RHOG: variants seen among roughly 807,000 people sequenced by gnomAD.
RHOG encodes the protein ras homolog family member G, also known as rho-related GTP-binding protein RhoG.
Under a neutral mutation model 12.3 loss-of-function variants are expected in RHOG, and 1 was observed. That is an observed-to-expected ratio of 0.08 (90% CI 0.03 to 0.39). The LOEUF (loss-of-function observed/expected upper bound fraction) is 0.39, where lower values mean the gene tolerates loss of function less well. Ranked by LOEUF, RHOG falls within the 10% of genes least tolerant of loss-of-function variation. The probability of loss-of-function intolerance (pLI) is 0.99; values close to 1 mark genes in which losing one functional copy is unlikely to be tolerated. For missense variants in RHOG, 114 were observed against 266.2 expected (o/e 0.43, Z 3.98); for synonymous variants, 129 against 116.0 (o/e 1.11, Z -0.72).
rs114967300 is a variant in RHOG at position 3,839,568 on chromosome 11, G to C, written c.-69+1326C>G. Among the ~76,000 whole-genome samples the C allele has an allele frequency of 4.8e-3, 681 of 141,906 alleles. 6 individuals are homozygous for C. The highest frequency in any genetic ancestry group is 0.017 in the African/African-American group (631 of 37,198). 93.1% of individuals were successfully genotyped at this position (141,906 alleles called of 152,430 possible). A position where few individuals can be genotyped will look rare whatever the true frequency, so the allele number is the denominator to read the frequency against. ...TCCATCTCTAAGAGATGAAGATGTA[G>C]ATACACAGACACGCGCGTGCGAACA... On this transcript the variant is annotated intron_variant, in intron 1 of 1. Coordinates refer to ENST00000351018, the MANE Select transcript of RHOG (RefSeq NM_001665.4).
chr11:3,831,381 A>G (rs1448759560), intron 1 of RHOG, among the ~76,000 whole-genome samples: 1 of 152,102 alleles, frequency 6.6e-6, no homozygotes, highest in Non-Finnish European at 1.5e-5. Flanking sequence ...ACATTAAAAA[A>G]TATTTCCATC....
intron 1 of RHOG, among the ~76,000 whole-genome samples, chr11:3,829,124 C>T (rs1348385438): frequency 6.6e-6 from 1 of 152,078 alleles, no homozygotes; most frequent in East Asian, 1.9e-4. Context: ...CCTGCCCTCT[C>T]CAAACCTGGT....
intron 1 of RHOG, among the ~76,000 whole-genome samples, chr11:3,837,294 A>G (rs1466500587): frequency 1.3e-5 from 2 of 152,178 alleles, no homozygotes; most frequent in Non-Finnish European, 2.9e-5. Flanking sequence ...AGTGAGGCAG[A>G]GCTGGAGTAG....
chr11:3,836,902 CAAAAAAAAAAAAAAA>C (rs57344316), intron 1 of RHOG, among the ~76,000 whole-genome samples: 18 of 29,252 alleles, frequency 6.2e-4, no homozygotes, highest in South Asian at 1.7e-3. Flanking sequence ...GACTCCATCT[CAAAAAAAAAAAAAAA>C]AAAAAAAAAA....
chr11:3,828,178 C>T lies in RHOG; in HGVS notation c.-40G>A. On this transcript the variant is annotated 5_prime_UTR_variant, in exon 2 of 2. Transcript: ENST00000351018. ...CTGTAGTGGAGGCAGTGCCTCCTCT[C>T]TCTTCTGGACCCCTCTGGCTGCAGT... 2.6e-6 allele frequency: 4 copies of T among 1,545,088 alleles called. No individual in the cohort carries two copies. The highest frequency in any genetic ancestry group is 3.5e-6 in the Non-Finnish European group (4 of 1,128,218).
chr11:3,828,626 T>TA (rs1370853402), intron 1 of RHOG, among the ~76,000 whole-genome samples: 20 of 148,652 alleles, frequency 1.3e-4, no homozygotes, highest in Admixed American at 1.3e-3. Context: ...TTAGCTATTT[T>TA]TTTTTTTTTT....
chr11:3,840,544 C>CACA (rs2090186388), intron 1 of RHOG: 1 of 150,056 alleles, frequency 6.7e-6, no homozygotes, highest in African/African-American at 2.5e-5. Flanking sequence ...ACACCCCCCC[C>CACA]ACCAACTTCT....
intron 1 of RHOG, 37 bp from the exon 2 acceptor site, chr11:3,828,243 AG>A: frequency 9.4e-7 from 1 of 1,066,408 alleles, no homozygotes; most frequent in East Asian, 2.6e-5. Flanking sequence ...TTGGTTAGGG[AG>A]GCCTCTGCCT....
intron 1 of RHOG, among the ~76,000 whole-genome samples, chr11:3,832,560 G>A (rs1393400250): frequency 6.6e-6 from 1 of 152,158 alleles, no homozygotes; most frequent in Non-Finnish European, 1.5e-5. Flanking sequence ...CTGAAGTGCT[G>A]TACACACAGG....
chr11:3,835,756 G>C (rs1211932384), intron 1 of RHOG, among the ~76,000 whole-genome samples: 4 of 152,230 alleles, frequency 2.6e-5, no homozygotes, highest in Non-Finnish European at 4.4e-5. Context: ...ACAGGCTACA[G>C]ACTGGGAATA....
chr11:3,839,694 G>A (rs2090179666), intron 1 of RHOG, among the ~76,000 whole-genome samples: 1 of 152,162 alleles, frequency 6.6e-6, no homozygotes, highest in African/African-American at 2.4e-5. Flanking sequence ...CCAAGCTAGG[G>A]AGGTTTGAAA....
chr11:3,828,571 T>C (rs2135132875), intron 1 of RHOG, among the ~76,000 whole-genome samples: 1 of 151,932 alleles, frequency 6.6e-6, no homozygotes, highest in African/African-American at 2.4e-5. Flanking sequence ...GTGAGCATTA[T>C]ATAATACATG....
intron 1 of RHOG, among the ~76,000 whole-genome samples, chr11:3,829,413 G>A (rs2135134253): frequency 6.6e-6 from 1 of 151,930 alleles, no homozygotes; most frequent in African/African-American, 2.4e-5. Flanking sequence ...ACTGCATCCG[G>A]CTAATTTTTA....
Position 3,827,959 on chromosome 11 carries a change from G to A in RHOG, c.180C>T (p.Gly60=). The A allele has an allele frequency of 6.2e-7, 1 of 1,614,274 alleles. No individual in the cohort carries two copies. The highest frequency in any genetic ancestry group is 8.5e-7 in the Non-Finnish European group (1 of 1,180,050). ...TVNLNLWDTA[G]QEEYDRLRTL... ...TACGGAGGCGGTCATACTCCTCCTG[G>A]CCCGCAGTGTCCCACAGGTTCAGGT... is the stretch of plus-strand genomic sequence containing the variant. Residue 60 remains glycine (G), a synonymous_variant, in exon 2 of 2, where the codon GGC becomes GGT. Transcript: ENST00000351018. This position sits in a 1 kb window ranked among gnomAD's most constrained non-coding sequence, Gnocchi z 7.3.
chr11:3,835,714 G>A (rs571285485), intron 1 of RHOG, among the ~76,000 whole-genome samples: 1 of 152,320 alleles, frequency 6.6e-6, no homozygotes, highest in East Asian at 1.9e-4. Flanking sequence ...GCTCAGAGAT[G>A]ATGAGGAAGA....
intron 1 of RHOG, among the ~76,000 whole-genome samples, chr11:3,836,331 TGG>T (rs2090155553): frequency 1.5e-5 from 2 of 132,278 alleles, no homozygotes; most frequent in African/African-American, 5.6e-5. Context: ...CATTCCAGCC[TGG>T]GCCACAGAGC....
intron 1 of RHOG, among the ~76,000 whole-genome samples, chr11:3,835,714 G>T (rs571285485): frequency 6.4e-4 from 98 of 152,320 alleles, no homozygotes; most frequent in Non-Finnish European, 3.7e-4. Context: ...GCTCAGAGAT[G>T]ATGAGGAAGA....
At chr11:3,837,152 A>AC (rs2090162750) in intron 1 of RHOG, among the ~76,000 whole-genome samples, 2 of 151,878 alleles carry the variant, frequency 1.3e-5, no homozygotes, top group Admixed American at 6.6e-5. Context: ...AAATCCTGGC[A>AC]CCCCCACCTG....
chr11:3,828,017 C>T lies in RHOG; in HGVS notation c.122G>A (p.Ser41Asn), dbSNP rs771865045. 1 of 1,614,278 alleles carries T rather than the reference C, an allele frequency of 6.2e-7. No individual in the cohort carries two copies. Among genetic ancestry groups the T allele is most frequent in the Non-Finnish European group, 8.5e-7 (1 of 1,180,052 alleles). ...GCGCCCGTCAACTGCGCTCTGCGCGCTGTAATTGTCGAACACGGTGGGGAT... is the reference window on the plus strand; with the variant it reads ...GCGCCCGTCAACTGCGCTCTGCGCGTTGTAATTGTCGAACACGGTGGGGAT... ...EYIPTVFDNY[S>N]AQSAVDGRTV... The change falls in exon 2 of 2, where the codon AGC becomes AAC. Residue 41 changes from serine to asparagine, a missense_variant. Around this residue, in one of 2 missense-constraint regions of RHOG, gnomAD observed 53 missense variants for 164.8 expected, o/e 0.32. Coordinates refer to ENST00000351018, the MANE Select transcript of RHOG (RefSeq NM_001665.4).
Sources: allele counts gnomAD v4.1 joint callset (sites outside exome capture counted in the v4.1 genomes callset), GRCh38; gene constraint gnomAD v4.1.1; regional missense constraint gnomAD v4.1.1; non-coding constraint Gnocchi (gnomAD v3.1); transcripts MANE v1.5; gene names NCBI Gene and HGNC (gene_info 2026-07-23, HGNC 2026-07-21).